Variants in MRPS9 observed in about 807,000 individuals in gnomAD.
The protein encoded by MRPS9 is mitochondrial ribosomal protein S9, also known as small ribosomal subunit protein uS9m.
In MRPS9, 45 loss-of-function variants were observed where a neutral mutation model predicts 59.9. The observed-to-expected ratio is 0.75, with a 90% CI of 0.59 to 0.96. The LOEUF is 0.96. Ranked by LOEUF, MRPS9 falls within the 40% of genes least tolerant of loss-of-function variation. The probability of loss-of-function intolerance (pLI) is 0.00; values close to 1 mark genes in which losing one functional copy is unlikely to be tolerated. For synonymous variants in MRPS9, 171 were observed against 166.8 expected, an observed-to-expected ratio of 1.03 and a Z score of -0.19; for missense variants, 473 against 481.1, an observed-to-expected ratio of 0.98 and a Z score of 0.16.
At chr2:105,080,537 A>T (rs1680309002) in intron 5 of MRPS9, among the ~76,000 whole-genome samples, 1 of 152,204 alleles carries the variant, frequency 6.6e-6, no homozygotes, top group Non-Finnish European at 1.5e-5. Context: ...AACCTAAGAA[A>T]TTATTTTATT....
chr2:105,093,395 G>C (rs1680598029), intron 8 of MRPS9, 135 bp from the exon 9 acceptor site: 1 of 440,996 alleles, frequency 2.3e-6, no homozygotes, highest in South Asian at 7.3e-5. Context: ...TGTTTGACTT[G>C]AAATAATAGT....
At chr2:105,077,963 G>T (rs1680247262) in intron 4 of MRPS9, among the ~76,000 whole-genome samples, 1 of 151,940 alleles carries the variant, frequency 6.6e-6, no homozygotes, top group South Asian at 2.1e-4. Context: ...GTCTAGTTGT[G>T]CAAGAAGCAG....
At chr2:105,067,034 G>T (rs778243458) in intron 2 of MRPS9, among the ~76,000 whole-genome samples, 14 of 151,840 alleles carry the variant, frequency 9.2e-5, no homozygotes, top group Admixed American at 9.2e-4. Context: ...TTTCTTTATC[G>T]CTTTGTATAT....
At chr2:105,063,358 A>G (rs561426534) in intron 2 of MRPS9, among the ~76,000 whole-genome samples, 7 of 152,360 alleles carry the variant, frequency 4.6e-5, no homozygotes, top group African/African-American at 1.7e-4. Context: ...GTATATACAT[A>G]TGTATTTATG....
At chr2:105,043,689 C>T (rs1353178892) in intron 1 of MRPS9, among the ~76,000 whole-genome samples, 2 of 151,764 alleles carry the variant, frequency 1.3e-5, no homozygotes, top group Non-Finnish European at 2.9e-5. Context: ...CTGGAGTGTG[C>T]AGTGGTGCAA....
chr2:105,039,384 A>T, intron 1 of MRPS9, among the ~76,000 whole-genome samples: 1 of 147,220 alleles, frequency 6.8e-6, no homozygotes. Flanking sequence ...CTCTTTGAGT[A>T]TATCTTTGCT....
intron 2 of MRPS9, among the ~76,000 whole-genome samples, chr2:105,069,240 A>C (rs1376656566): frequency 7.0e-6 from 1 of 142,270 alleles, no homozygotes; most frequent in Non-Finnish European, 1.5e-5. Context: ...TTTGAGACAG[A>C]GTCTCGCCCT....
intron 5 of MRPS9, among the ~76,000 whole-genome samples, chr2:105,086,835 C>A (rs997428037): frequency 6.6e-6 from 1 of 152,006 alleles, no homozygotes; most frequent in Non-Finnish European, 1.5e-5. Flanking sequence ...TGCCTGTGGT[C>A]CAGCCTGCTG....
chr2:105,042,777 A>G (rs1307817419), intron 1 of MRPS9, among the ~76,000 whole-genome samples: 1 of 152,240 alleles, frequency 6.6e-6, no homozygotes, highest in Non-Finnish European at 1.5e-5. Flanking sequence ...AACATTTAAT[A>G]CAGAGCCTGG....
At chr2:105,062,008 A>C (rs1267498246) in intron 2 of MRPS9, among the ~76,000 whole-genome samples, 7 of 152,190 alleles carry the variant, frequency 4.6e-5, no homozygotes, top group Non-Finnish European at 1.0e-4. Flanking sequence ...ACAACAAAGG[A>C]TAGGGGGAAA....
intron 2 of MRPS9, among the ~76,000 whole-genome samples, chr2:105,065,899 T>A (rs1679989726): frequency 6.6e-6 from 1 of 152,216 alleles, no homozygotes; most frequent in Non-Finnish European, 1.5e-5. Context: ...CAACATAATT[T>A]TTTTTCATAG....
intron 2 of MRPS9, among the ~76,000 whole-genome samples, chr2:105,053,831 G>A (rs940024378): frequency 3.3e-5 from 5 of 152,240 alleles, no homozygotes; most frequent in South Asian, 4.1e-4. Context: ...GTGTGATTGT[G>A]TTAACAGAAT....
chr2:105,097,394 A>G (rs1680689020), intron 10 of MRPS9, 70 bp downstream of exon 10: 7 of 1,349,700 alleles, frequency 5.2e-6, no homozygotes, highest in Non-Finnish European at 6.8e-6. Flanking sequence ...TTCTTGTCCT[A>G]GTGCCTGAAG....
intron 10 of MRPS9, 80 bp downstream of exon 10, chr2:105,097,404 G>A: frequency 7.7e-7 from 1 of 1,304,350 alleles, no homozygotes; most frequent in Non-Finnish European, 1.0e-6. Flanking sequence ...AGTGCCTGAA[G>A]TTCGTAAGAA....
intron 7 of MRPS9, 113 bp from the exon 8 acceptor site, chr2:105,092,288 G>A: frequency 1.1e-6 from 1 of 929,898 alleles, no homozygotes; most frequent in Non-Finnish European, 1.5e-6. Flanking sequence ...GTGTCATCCT[G>A]TCAAAATTCA....
chr2:105,091,732 G>A (rs1181353256), intron 7 of MRPS9, among the ~76,000 whole-genome samples: 2 of 152,026 alleles, frequency 1.3e-5, no homozygotes, highest in Non-Finnish European at 2.9e-5. Flanking sequence ...GATTATTCTG[G>A]CTTCTAATTT....
chr2:105,045,919 C>T (rs902472277), intron 1 of MRPS9, among the ~76,000 whole-genome samples: 1 of 152,024 alleles, frequency 6.6e-6, no homozygotes, highest in African/African-American at 2.4e-5. Context: ...GGCTGGAGTG[C>T]AGTGGTGCGA....
intron 1 of MRPS9, among the ~76,000 whole-genome samples, chr2:105,040,108 C>A (rs906975852): frequency 3.9e-5 from 6 of 152,114 alleles, no homozygotes; most frequent in Non-Finnish European, 8.8e-5. Context: ...ACTTAGCTGA[C>A]CCCCCTTTAG....
At chr2:105,070,553 G>A (rs1680093812) in intron 2 of MRPS9, among the ~76,000 whole-genome samples, 1 of 152,270 alleles carries the variant, frequency 6.6e-6, no homozygotes, top group East Asian at 1.9e-4. Flanking sequence ...TCAACAAGAA[G>A]GAAAGTGTAC....
Sources: gnomAD v4.1 joint callset for allele counts (sites outside exome capture counted in the v4.1 genomes callset) on GRCh38, gnomAD v4.1.1 for gene constraint, MANE v1.5 for transcripts, NCBI Gene and HGNC (gene_info 2026-07-23, HGNC 2026-07-21) for gene names.